THSD7B: variants seen among roughly 807,000 people sequenced by gnomAD.
THSD7B encodes thrombospondin type 1 domain containing 7B, also known as thrombospondin type-1 domain-containing protein 7B.
THSD7B carries 138 observed loss-of-function variants against 213.6 expected under a neutral mutation model. The ratio of observed to expected loss-of-function variants is 0.65; its 90% CI spans 0.56 to 0.74. The LOEUF is 0.74. THSD7B is among the 30% of genes least tolerant of loss of function. THSD7B has a pLI of 0.00. For synonymous variants in THSD7B, 742 were observed against 687.0 expected, an observed-to-expected ratio of 1.08 and a Z score of -1.25; for missense variants, 1,931 against 1,991.5, an observed-to-expected ratio of 0.97 and a Z score of 0.58.
At chr2:137,020,810 C>T (rs1686430355) in intron 2 of THSD7B, among the ~76,000 whole-genome samples, 1 of 152,130 alleles carries the variant, frequency 6.6e-6, no homozygotes, top group Admixed American at 6.5e-5. Context: ...ATGGGGGCCA[C>T]CACTGCTCAT....
rs184556288 is a variant in THSD7B at position 137,283,611 on chromosome 2, G to A, written c.2500+7585G>A. ...TTATTGAGAGTTTTTAGCATGAAGC[G>A]TTGTTGAATTTTGTCAAAGGCCTTT... On this transcript the variant is annotated intron_variant, in intron 12 of 27. Transcript: ENST00000409968. 6.3e-3 allele frequency among the ~76,000 whole-genome samples: 949 copies of A among 151,724 alleles called. 6 individuals carry two copies. Among genetic ancestry groups the A allele is most frequent in the Middle Eastern group, 0.014 (4 of 294 alleles).
chr2:137,062,008 GTTTAA>G (rs1225630985), intron 3 of THSD7B, among the ~76,000 whole-genome samples: 1 of 151,688 alleles, frequency 6.6e-6, no homozygotes, highest in East Asian at 1.9e-4. Context: ...CTAAATACTG[GTTTAA>G]TTTCTTTTAA....
chr2:137,658,573 C>T (rs1446219), intron 24 of THSD7B, among the ~76,000 whole-genome samples: 13,274 of 152,192 alleles, frequency 0.087, 659 homozygotes, highest in Middle Eastern at 0.16. Context: ...GTTGAAAGAA[C>T]GGAAACCCTC....
intron 15 of THSD7B, among the ~76,000 whole-genome samples, chr2:137,472,064 C>T (rs1420073600): frequency 6.6e-6 from 1 of 152,156 alleles, no homozygotes; most frequent in African/African-American, 2.4e-5. Context: ...CTACAATCTG[C>T]AGGTGTTGGA....
At chr2:137,369,127 T>A (rs531617945) in intron 12 of THSD7B, among the ~76,000 whole-genome samples, 25 of 60,114 alleles carry the variant, frequency 4.2e-4, no homozygotes, top group African/African-American at 1.4e-3. Flanking sequence ...GTTGTTGTTG[T>A]TTGGAGGGGG....
chr2:137,381,893 G>A (rs1405540879), intron 12 of THSD7B, among the ~76,000 whole-genome samples: 1 of 152,136 alleles, frequency 6.6e-6, no homozygotes, highest in South Asian at 2.1e-4. Context: ...TTTGATGAGG[G>A]AACTGGCCAA....
chr2:137,173,423 C>T (rs145501950), intron 7 of THSD7B, among the ~76,000 whole-genome samples: 1 of 152,328 alleles, frequency 6.6e-6, no homozygotes, highest in East Asian at 1.9e-4. Flanking sequence ...TCTCTGTCCA[C>T]TTGGCTAGGA....
chr2:136,889,269 C>A (rs1683774947), intron 2 of THSD7B, among the ~76,000 whole-genome samples: 1 of 151,998 alleles, frequency 6.6e-6, no homozygotes, highest in Non-Finnish European at 1.5e-5. Context: ...TATATCTCAC[C>A]TTCCAGTTCA....
intron 2 of THSD7B, among the ~76,000 whole-genome samples, chr2:136,960,605 G>A (rs1486347331): frequency 1.3e-5 from 2 of 152,150 alleles, no homozygotes; most frequent in African/African-American, 4.8e-5. Flanking sequence ...CTGTTTCTGA[G>A]AAGTGCCTTT....
chr2:137,519,652 A>C (rs945437938), intron 15 of THSD7B, among the ~76,000 whole-genome samples: 2 of 152,180 alleles, frequency 1.3e-5, no homozygotes, highest in Non-Finnish European at 2.9e-5. Context: ...TTCTAGCCCT[A>C]ACAGTTTGAA....
chr2:137,099,692 G>A (rs139960818), intron 4 of THSD7B, among the ~76,000 whole-genome samples: 197 of 152,252 alleles, frequency 1.3e-3, no homozygotes, highest in African/African-American at 4.4e-3. Context: ...TTTAGAGTAT[G>A]GAATCGAATG....
intron 12 of THSD7B, among the ~76,000 whole-genome samples, chr2:137,369,771 C>A (rs1162179347): frequency 6.6e-6 from 1 of 152,164 alleles, no homozygotes; most frequent in East Asian, 1.9e-4. Context: ...GTGTCCTGTT[C>A]TAATTTCTCC....
At chr2:136,841,593 CAAAAA>C (rs534991799) in intron 1 of THSD7B, among the ~76,000 whole-genome samples, 2 of 93,184 alleles carry the variant, frequency 2.1e-5, no homozygotes, top group South Asian at 4.8e-4. Flanking sequence ...AAGACTCCAT[CAAAAA>C]AAAAAAAAAA....
chr2:136,799,251 A>G (rs540695551), intron 1 of THSD7B, among the ~76,000 whole-genome samples: 12 of 151,984 alleles, frequency 7.9e-5, no homozygotes, highest in Non-Finnish European at 1.8e-4. Flanking sequence ...GTAATAATCC[A>G]ATTTCTTAGA....
intron 1 of THSD7B, among the ~76,000 whole-genome samples, chr2:136,864,483 T>G (rs959978089): frequency 6.6e-6 from 1 of 152,240 alleles, no homozygotes; most frequent in Non-Finnish European, 1.5e-5. Flanking sequence ...TTGCTCATAA[T>G]TTTCATCAGC....
intron 25 of THSD7B, among the ~76,000 whole-genome samples, chr2:137,660,924 A>G (rs1048645624): frequency 7.2e-5 from 11 of 152,188 alleles, no homozygotes; most frequent in Non-Finnish European, 1.3e-4. Context: ...TCTTTTGTAG[A>G]AGATTGAGGT....
At chr2:137,242,343 A>C in intron 9 of THSD7B, 114 bp from the exon 10 acceptor site, 1 of 729,570 alleles carries the variant, frequency 1.4e-6, no homozygotes, top group Non-Finnish European at 2.3e-6. Flanking sequence ...CTCTTCCCTC[A>C]CCTATTAAGG....
intron 7 of THSD7B, among the ~76,000 whole-genome samples, chr2:137,196,361 G>T: frequency 6.9e-6 from 1 of 144,930 alleles, no homozygotes. Context: ...TTTAGCTGGA[G>T]ATGGAAAACC....
chr2:137,515,234 T>G (rs1680045480), intron 15 of THSD7B, among the ~76,000 whole-genome samples: 1 of 151,386 alleles, frequency 6.6e-6, no homozygotes, highest in South Asian at 2.1e-4. Flanking sequence ...TCTGGTTAAC[T>G]TTTTTTGCCA....
Sources: allele counts gnomAD v4.1 joint callset (sites outside exome capture counted in the v4.1 genomes callset), GRCh38; gene constraint gnomAD v4.1.1; transcripts MANE v1.5; gene names NCBI Gene and HGNC (gene_info 2026-07-23, HGNC 2026-07-21).